The following HERC2 variants were observed in gnomAD, a reference collection of about 807,000 sequenced individuals.
The protein encoded by HERC2 is HECT and RLD domain containing E3 ubiquitin protein ligase 2.
In HERC2, 102 loss-of-function variants were observed where a neutral mutation model predicts 537.7. The ratio of observed to expected loss-of-function variants is 0.19; its 90% CI spans 0.16 to 0.22. The LOEUF (loss-of-function observed/expected upper bound fraction) is 0.22. Ranked by LOEUF, HERC2 falls within the 10% of genes least tolerant of loss-of-function variation. HERC2 has a pLI of 1.00. For synonymous variants in HERC2, 2,224 were observed against 2,466.2 expected (o/e 0.90, Z 2.91); for missense variants, 4,236 against 6,198.2 (o/e 0.68, Z 10.63).
intron 40 of HERC2, among the ~76,000 whole-genome samples, 172 bp from the exon 41 acceptor site, chr15:28,214,444 G>A (rs1163069687): frequency 6.7e-6 from 1 of 150,088 alleles, no homozygotes; most frequent in Non-Finnish European, 1.5e-5. Context: ...CTTCACCAGG[G>A]CACAGGGAAG....
At chr15:28,185,899 T>C (rs1217074816) in intron 56 of HERC2, among the ~76,000 whole-genome samples, 4 of 152,176 alleles carry the variant, frequency 2.6e-5, no homozygotes, top group Admixed American at 6.5e-5. Context: ...CCAGTACACA[T>C]AACTGGGAAT....
Position 28,299,505 on chromosome 15 carries a change from T to C in HERC2, c.84A>G (p.Thr28=), listed in dbSNP as rs755595655. The C allele has an allele frequency of 5.5e-6, 8 of 1,448,742 alleles. No homozygotes were observed. Among genetic ancestry groups the C allele is most frequent in the African/African-American group, 4.2e-5 (3 of 71,914 alleles). The allele number at this position is 1,448,742 out of a possible 1,614,324, so 89.7% of individuals were successfully genotyped here. The change falls in exon 3 of 93, where the codon ACA becomes ACG. Residue 28 remains threonine, a synonymous_variant. Transcript: ENST00000261609. ...WLKTDIQLAF[T]RDGLCGLWNE... The stretch of plus-strand genomic sequence containing the variant: ...TCCACAGACCACAGAGCCCATCTCT[T>C]GTGAATGCAAGCTGGCAATGATAAA...
intron 72 of HERC2, 21 bp from the exon 73 acceptor site, chr15:28,144,256 C>T (rs1431271578): frequency 1.9e-6 from 3 of 1,610,408 alleles, no homozygotes; most frequent in Admixed American, 3.3e-5. Context: ...ACACTGTAAA[C>T]ATCCCCGGGT....
intron 57 of HERC2, among the ~76,000 whole-genome samples, chr15:28,180,996 CTA>C (rs998095934): frequency 1.3e-5 from 2 of 152,268 alleles, no homozygotes; most frequent in Admixed American, 6.5e-5. Flanking sequence ...TGAGGGATGA[CTA>C]TGCATATAAT....
intron 2 of HERC2, among the ~76,000 whole-genome samples, chr15:28,303,555 T>A (rs1596445841): frequency 6.6e-6 from 1 of 152,216 alleles, no homozygotes; most frequent in Non-Finnish European, 1.5e-5. Context: ...CCATACAAAT[T>A]TCAGGATTTT....
At chr15:28,114,496 G>T in intron 90 of HERC2, 116 bp downstream of exon 90, 1 of 882,590 alleles carries the variant, frequency 1.1e-6, no homozygotes, top group Non-Finnish European at 1.8e-6. Flanking sequence ...AATAGTTGGA[G>T]CCAAATCCAT....
rs373425948 is a variant in HERC2, at chr15:28,298,005, TTGTGTGTGTG to T, written c.187+1387_187+1396del. On this transcript the variant is annotated intron_variant, in intron 3 of 92. Transcript: ENST00000261609. ...ACTCACTGTACACGTCTGTCAGTTA[TTGTGTGTGTG>T]TGTGTGTGTGTGTGTGTGTGTGTGA... 1.0e-3 allele frequency among the ~76,000 whole-genome samples: 131 copies of T among 130,538 alleles called. 2 individuals carry two copies. Among genetic ancestry groups the T allele is most frequent in the African/African-American group, 3.9e-3 (123 of 31,906 alleles). The allele number at this position is 130,538 out of a possible 152,430, so 85.6% of individuals were successfully genotyped here.
intron 35 of HERC2, among the ~76,000 whole-genome samples, chr15:28,226,964 A>T (rs919227513): frequency 4.6e-5 from 7 of 152,190 alleles, no homozygotes; most frequent in Admixed American, 2.0e-4. Flanking sequence ...CAACAAGGTG[A>T]TGACAACCCT....
Position 28,202,124 on chromosome 15 carries a change from C to T in HERC2, c.7606G>A (p.Ala2536Thr), listed in dbSNP as rs367717965. ...EEVVEDVDDA[A>T]YSMSTGAVVT... is the part of the protein sequence containing the mutation. ...TGGGAGGCACTGACCATGGAGTAGG[C>T]GGCATCATCCACGTCCTCCACCACC... Residue 2536 changes from alanine (A) to threonine (T), a missense_variant, in exon 47 of 93, where the codon GCC becomes ACC. Transcript: ENST00000261609. 314 of 1,540,248 alleles carry T rather than the reference C, an allele frequency of 2.0e-4. No individual in the cohort carries two copies. Among genetic ancestry groups the T allele is most frequent in the Middle Eastern group, 4.3e-4 (2 of 4,648 alleles).
chr15:28,130,555 A>C lies in HERC2; in HGVS notation c.12610T>G (p.Cys4204Gly). The change falls in exon 82 of 93, where the codon TGC becomes GGC. Residue 4204 changes from cysteine (C) to glycine (G), a missense_variant. By Grantham distance (159) the Cys-to-Gly change is radical (BLOSUM62 -3). This residue lies in a region of HERC2 where 38 missense variants were observed against 36.7 expected (regional missense o/e 1.04). Transcript: ENST00000261609. ...LTGLGVVKVE[C>G]GSQFSVALTK... The stretch of plus-strand genomic sequence containing the variant: ...AGGGCAACAGAAAACTGGGATCCGC[A>C]TTCCACTTTAACTACTCCAAGACCA... 2 of 1,614,082 alleles carry C rather than the reference A, an allele frequency of 1.2e-6. No individual in the cohort carries two copies. Among genetic ancestry groups the C allele is most frequent in the Non-Finnish European group, 1.7e-6 (2 of 1,179,962 alleles).
intron 70 of HERC2, among the ~76,000 whole-genome samples, chr15:28,149,244 A>G (rs1206439017): frequency 1.3e-5 from 2 of 152,088 alleles, no homozygotes; most frequent in African/African-American, 4.8e-5. Flanking sequence ...AACATCACCG[A>G]AAATGGCCAC....
intron 23 of HERC2, among the ~76,000 whole-genome samples, chr15:28,243,362 T>A (rs1405000262): frequency 6.6e-6 from 1 of 152,174 alleles, no homozygotes; most frequent in Non-Finnish European, 1.5e-5. Flanking sequence ...AGGCCCAAAA[T>A]GAACAACCAT....
intron 68 of HERC2, 39 bp from the exon 69 acceptor site, chr15:28,163,324 A>G (rs200851435): frequency 6.4e-7 from 1 of 1,573,410 alleles, no homozygotes; most frequent in East Asian, 2.2e-5. Context: ...ATGAGGAATG[A>G]TATGCTAAGA....
At chr15:28,172,163 G>A (rs773330783) in intron 65 of HERC2, among the ~76,000 whole-genome samples, 7 of 151,822 alleles carry the variant, frequency 4.6e-5, no homozygotes, top group Non-Finnish European at 8.8e-5. Context: ...GAAACACTAT[G>A]TTCATGGGTT....
At chr15:28,144,016 C>G in intron 73 of HERC2, 25 bp from the exon 74 acceptor site, 4 of 1,614,098 alleles carry the variant, frequency 2.5e-6, no homozygotes, top group Non-Finnish European at 3.4e-6. Context: ...GAGAAAGTAT[C>G]AGAAGTCTGA....
intron 4 of HERC2, among the ~76,000 whole-genome samples, chr15:28,287,879 A>G (rs1453745328): frequency 6.6e-6 from 1 of 151,846 alleles, no homozygotes; most frequent in Non-Finnish European, 1.5e-5. Context: ...GCCCACCACC[A>G]CGCCCAGCTA....
chr15:28,175,373 G>A lies in HERC2; in HGVS notation c.9831+139C>T, dbSNP rs933624886. Reference sequence around the variant, plus strand: ...CCAGTGGGCAAAAGGAACAGGACCCGCCCTCATGGTTCTCCAAGCAGTAAG... The same window carrying A: ...CCAGTGGGCAAAAGGAACAGGACCCACCCTCATGGTTCTCCAAGCAGTAAG... On this transcript the variant is annotated intron_variant, in intron 64 of 92. Coordinates refer to ENST00000261609, the MANE Select transcript of HERC2 (RefSeq NM_004667.6). The A allele has an allele frequency of 1.9e-5, 16 of 847,922 alleles. No homozygotes were observed. In the Admixed American group the frequency reaches 2.0e-4, roughly 11 times the overall value. The allele number at this position is 847,922 out of a possible 1,614,324, so 52.5% of individuals were successfully genotyped here.
chr15:28,192,371 C>T (rs1020751989), intron 52 of HERC2, among the ~76,000 whole-genome samples: 3 of 152,142 alleles, frequency 2.0e-5, no homozygotes, highest in Admixed American at 6.5e-5. Context: ...CTACTAAAAC[C>T]TCCCAGGGAA....
chr15:28,204,124 A>C (rs907831976), intron 45 of HERC2, among the ~76,000 whole-genome samples: 12 of 152,248 alleles, frequency 7.9e-5, no homozygotes, highest in Admixed American at 4.6e-4. Context: ...AGGCGGCAGA[A>C]CCCAGAGCCA....
Sources: allele counts gnomAD v4.1 joint callset (sites outside exome capture counted in the v4.1 genomes callset), GRCh38; gene constraint gnomAD v4.1.1; regional missense constraint gnomAD v4.1.1; transcripts MANE v1.5; gene names NCBI Gene and HGNC (gene_info 2026-07-23, HGNC 2026-07-21).